The following MCCC1 variants were observed in gnomAD, a reference collection of about 807,000 sequenced individuals.
The protein encoded by MCCC1 is methylcrotonyl-CoA carboxylase subunit 1.
Under a neutral mutation model 83.8 loss-of-function variants are expected in MCCC1, and 64 were observed. The ratio of observed to expected loss-of-function variants is 0.76; its 90% CI spans 0.62 to 0.94. The LOEUF (loss-of-function observed/expected upper bound fraction) is 0.94, where lower values mean the gene tolerates loss of function less well. Among genes scored for constraint, MCCC1 ranks in the 40% least tolerant of loss-of-function variants. MCCC1 has a pLI of 0.00. For synonymous variants in MCCC1, 322 were observed against 315.4 expected (o/e 1.02, Z -0.22); for missense variants, 807 against 904.7 (o/e 0.89, Z 1.39).
intron 4 of MCCC1, among the ~76,000 whole-genome samples, chr3:183,078,748 A>G (rs1034273124): frequency 1.3e-5 from 2 of 152,288 alleles, no homozygotes; most frequent in Non-Finnish European, 2.9e-5. Context: ...CTCTTCTTTC[A>G]TAACTGTATT....
intron 8 of MCCC1, among the ~76,000 whole-genome samples, chr3:183,057,030 C>G (rs1174898960): frequency 6.6e-6 from 1 of 152,186 alleles, no homozygotes; most frequent in Non-Finnish European, 1.5e-5. Flanking sequence ...TGAAACCTCA[C>G]TAGACAGCTT....
chr3:183,020,896 A>G (rs1280653721), intron 16 of MCCC1, among the ~76,000 whole-genome samples: 1 of 151,428 alleles, frequency 6.6e-6, no homozygotes, highest in Non-Finnish European at 1.5e-5. Flanking sequence ...CATCTCTACT[A>G]AAAAATACAA....
chr3:183,087,947 T>C (rs954171026), intron 3 of MCCC1, among the ~76,000 whole-genome samples: 1 of 149,892 alleles, frequency 6.7e-6, no homozygotes, highest in Non-Finnish European at 1.5e-5. Context: ...AGAACAGGAA[T>C]GGAGCTGAGG....
At chr3:183,026,203 G>C (rs1419556779) in intron 14 of MCCC1, among the ~76,000 whole-genome samples, 1 of 151,982 alleles carries the variant, frequency 6.6e-6, no homozygotes, top group African/African-American at 2.4e-5. Flanking sequence ...ACCACGCCCG[G>C]CTAATTTTTT....
chr3:183,026,697 G>T (rs1213367450), intron 14 of MCCC1, among the ~76,000 whole-genome samples: 1 of 152,050 alleles, frequency 6.6e-6, no homozygotes, highest in Non-Finnish European at 1.5e-5. Context: ...GTGACAGAGT[G>T]AGGCTCCATC....
Position 183,025,741 on chromosome 3 carries a change from C to T in MCCC1, c.1731+14G>A. The T allele has an allele frequency of 1.2e-6, 2 of 1,612,222 alleles. No homozygotes were observed. Among genetic ancestry groups the T allele is most frequent in the African/African-American group, 2.7e-5 (2 of 74,990 alleles). On this transcript the variant is annotated intron_variant, in intron 15 of 18. Coordinates refer to ENST00000265594, the MANE Select transcript of MCCC1 (RefSeq NM_020166.5). The stretch of plus-strand genomic sequence containing the variant: ...TTCAGCTCTGCACTGTAGAACAAAA[C>T]CAGTAAGGCTTACCTGCATGCTATA...
chr3:183,085,275 G>C (rs1577350166), intron 4 of MCCC1, among the ~76,000 whole-genome samples: 1 of 151,928 alleles, frequency 6.6e-6, no homozygotes, highest in South Asian at 2.1e-4. Context: ...AAGCCACAGC[G>C]ATTTTATTAA....
rs193157345 is a variant in MCCC1, at chr3:183,081,359, T to C, written c.369+5334A>G. On this transcript the variant is annotated intron_variant, in intron 4 of 18. Transcript: ENST00000265594. ...GCCTTTATTAGTAAACACAGAAAAC[T>C]AGTATCTCTTGTCCTCCTTAAATCT... 7.4e-3 allele frequency among the ~76,000 whole-genome samples: 1,123 copies of C among 152,280 alleles called. 11 individuals are homozygous for C. The highest frequency in any genetic ancestry group is 0.026 in the African/African-American group (1,078 of 41,558).
chr3:183,040,098 G>GAA (rs57389038), intron 11 of MCCC1, among the ~76,000 whole-genome samples: 22 of 34,596 alleles, frequency 6.4e-4, no homozygotes, highest in Admixed American at 9.9e-4. Context: ...CTCCATCTCA[G>GAA]AAAAAAAAAA....
Position 183,106,831 on chromosome 3 carries a change from TTC to T in MCCC1, c.-102+8641_-102+8642del, listed in dbSNP as rs947527596. On this transcript the variant is annotated intron_variant, in intron 1 of 17. Transcript: ENST00000492597. Reference sequence around the variant, plus strand: ...CTATTTTATCGCATTTGCTTTATCTTTCTCTCTCTCCCTCTCCTCATGCAGAT... The same window carrying T: ...CTATTTTATCGCATTTGCTTTATCTTTCTCTCTCCCTCTCCTCATGCAGAT... Among the ~76,000 whole-genome samples the T allele has an allele frequency of 3.9e-5, 6 of 152,072 alleles. No homozygotes were observed. In the South Asian group the frequency reaches 1.0e-3, roughly 26 times the overall value.
intron 1 of MCCC1, among the ~76,000 whole-genome samples, chr3:183,110,840 T>G (rs1175400974): frequency 4.6e-5 from 7 of 152,216 alleles, no homozygotes; most frequent in African/African-American, 1.7e-4. Context: ...GGGATCTAGT[T>G]TCAATCTTCT....
At position 183,041,659 on chromosome 3, in the gene MCCC1, C is replaced by T. The variant is rs1714098012; in HGVS notation, c.1175G>A (p.Ser392Asn). Residue 392 changes from serine to asparagine, a missense_variant, in exon 11 of 19, where the codon AGC becomes AAC. Transcript: ENST00000265594. Reference protein sequence around the residue: ...FEARIYAEDPSNNFMPVAGPL... With the variant: ...FEARIYAEDPNNNFMPVAGPL... ...GCCTGCCACAGGCATGAAGTTATTG[C>T]TAGGATCTTCTGCATATATTCTAGC... is the stretch of plus-strand genomic sequence containing the variant. The T allele has an allele frequency of 1.9e-6, 3 of 1,614,158 alleles. No individual in the cohort carries two copies. Among genetic ancestry groups the T allele is most frequent in the Middle Eastern group, 1.6e-4 (1 of 6,062 alleles).
chr3:183,074,170 T>A (rs1049116584), intron 4 of MCCC1, among the ~76,000 whole-genome samples: 2 of 152,158 alleles, frequency 1.3e-5, no homozygotes, highest in Admixed American at 1.3e-4. Context: ...AAACCGTGGA[T>A]AAAGGGGACA....
At chr3:183,042,226 G>C (rs1463012205) in intron 10 of MCCC1, among the ~76,000 whole-genome samples, 1 of 152,136 alleles carries the variant, frequency 6.6e-6, no homozygotes, top group Non-Finnish European at 1.5e-5. Flanking sequence ...CCAGTAAGTG[G>C]GTGATAAAGC....
intron 9 of MCCC1, among the ~76,000 whole-genome samples, chr3:183,047,945 T>C (rs1714676506): frequency 6.6e-6 from 1 of 152,238 alleles, no homozygotes; most frequent in Non-Finnish European, 1.5e-5. Flanking sequence ...CTGCATACTG[T>C]AGGCAACTGT....
At chr3:183,021,263 C>T (rs542720839) in intron 16 of MCCC1, among the ~76,000 whole-genome samples, 13 of 152,236 alleles carry the variant, frequency 8.5e-5, no homozygotes, top group African/African-American at 3.1e-4. Context: ...CTCACTCTGC[C>T]ACCCAGGCTG....
intron 1 of MCCC1, among the ~76,000 whole-genome samples, chr3:183,110,838 G>A (rs1393979803): frequency 6.6e-6 from 1 of 152,168 alleles, no homozygotes; most frequent in Non-Finnish European, 1.5e-5. Flanking sequence ...TAGGGATCTA[G>A]TTTCAATCTT....
At chr3:183,038,280 C>A (rs1242723401) in intron 12 of MCCC1, among the ~76,000 whole-genome samples, 4 of 152,060 alleles carry the variant, frequency 2.6e-5, no homozygotes, top group African/African-American at 9.7e-5. Flanking sequence ...AATGGGGCAG[C>A]CTGGGAAAGG....
chr3:183,069,221 G>C (rs562458927), intron 7 of MCCC1, among the ~76,000 whole-genome samples: 1 of 152,152 alleles, frequency 6.6e-6, no homozygotes, highest in Non-Finnish European at 1.5e-5. Flanking sequence ...ATTCCCAGGG[G>C]CTTTCCAGCT....
Sources: gnomAD v4.1 joint callset for allele counts (sites outside exome capture counted in the v4.1 genomes callset) on GRCh38, gnomAD v4.1.1 for gene constraint, MANE v1.5 for transcripts, NCBI Gene and HGNC (gene_info 2026-07-23, HGNC 2026-07-21) for gene names.